BNC2: variants seen among roughly 807,000 people sequenced by gnomAD.
BNC2 encodes the protein zinc finger protein basonuclin-2.
In BNC2, 20 loss-of-function variants were observed where a neutral mutation model predicts 76.3. That is an observed-to-expected ratio of 0.26 (90% CI 0.18 to 0.38). The LOEUF (loss-of-function observed/expected upper bound fraction) is 0.38, where lower values mean the gene tolerates loss of function less well. BNC2 is among the 10% of genes least tolerant of loss of function. The pLI, the probability that BNC2 is intolerant of heterozygous loss-of-function variation, is 1.00. For synonymous variants in BNC2, 582 were observed against 514.8 expected (o/e 1.13, Z -1.77); for missense variants, 1,382 against 1,399.8 (o/e 0.99, Z 0.20).
intron 5 of BNC2, among the ~76,000 whole-genome samples, chr9:16,505,288 G>C (rs983953742): frequency 1.3e-5 from 2 of 152,172 alleles, no homozygotes; most frequent in Non-Finnish European, 2.9e-5. Flanking sequence ...ACCACTGCTT[G>C]GGGCCCAGTA....
intron 2 of BNC2, among the ~76,000 whole-genome samples, chr9:16,736,764 G>A (rs66629951): frequency 0.087 from 12,961 of 148,900 alleles, 1,221 homozygotes; most frequent in East Asian, 0.47. Context: ...ATGAGCCACT[G>A]GGCCCGACCT....
intron 3 of BNC2, among the ~76,000 whole-genome samples, chr9:16,599,170 C>T (rs1820175664): frequency 6.6e-6 from 1 of 152,168 alleles, no homozygotes. Context: ...AAATATACTT[C>T]CTGCTCCCTC....
intron 5 of BNC2, among the ~76,000 whole-genome samples, chr9:16,514,851 ATTTC>A: frequency 6.6e-6 from 1 of 152,320 alleles, no homozygotes; most frequent in Non-Finnish European, 1.5e-5. Context: ...CAACAAAACC[ATTTC>A]TTTCTTCATT....
chr9:16,869,103 T>C (rs947519302), intron 1 of BNC2, among the ~76,000 whole-genome samples: 1 of 152,206 alleles, frequency 6.6e-6, no homozygotes, highest in Admixed American at 6.5e-5. Flanking sequence ...TACAGTGTTC[T>C]TGTGTAAAAC....
intron 5 of BNC2, among the ~76,000 whole-genome samples, chr9:16,521,710 C>A (rs773881351): frequency 6.6e-6 from 1 of 152,138 alleles, no homozygotes; most frequent in African/African-American, 2.4e-5. Flanking sequence ...AGTGCTACTT[C>A]CTACTAACAG....
At chr9:16,549,124 C>G (rs531963040) in intron 5 of BNC2, among the ~76,000 whole-genome samples, 3 of 152,312 alleles carry the variant, frequency 2.0e-5, no homozygotes, top group South Asian at 2.1e-4. Flanking sequence ...CTTCCCCCTA[C>G]ATCCAAAAAT....
chr9:16,732,136 G>T (rs1448390044), intron 2 of BNC2, among the ~76,000 whole-genome samples: 1 of 112,792 alleles, frequency 8.9e-6, no homozygotes, highest in Non-Finnish European at 1.8e-5. Flanking sequence ...GTGGGTTTTG[G>T]GTTTTTCCCT....
At chr9:16,582,394 C>A (rs768096620) in intron 4 of BNC2, among the ~76,000 whole-genome samples, 1 of 152,114 alleles carries the variant, frequency 6.6e-6, no homozygotes. Context: ...CCAGCACACA[C>A]CTACACAGAG....
intron 1 of BNC2, among the ~76,000 whole-genome samples, chr9:16,776,250 C>T (rs149207655): frequency 6.2e-4 from 95 of 152,258 alleles, no homozygotes; most frequent in African/African-American, 2.3e-3. Flanking sequence ...AAGCGATTCT[C>T]CTCTCTCAGT....
chr9:16,665,711 T>C (rs560358898), intron 3 of BNC2, among the ~76,000 whole-genome samples: 15 of 152,208 alleles, frequency 9.9e-5, no homozygotes, highest in Non-Finnish European at 5.9e-5. Flanking sequence ...ACAAAATTTA[T>C]TTCCTCTGAA....
At chr9:16,753,810 T>A (rs992477352) in intron 1 of BNC2, among the ~76,000 whole-genome samples, 1 of 152,206 alleles carries the variant, frequency 6.6e-6, no homozygotes, top group Non-Finnish European at 1.5e-5. Flanking sequence ...AAATAAACTT[T>A]AAAAATATCT....
At chr9:16,772,700 A>G (rs1397720662) in intron 1 of BNC2, among the ~76,000 whole-genome samples, 3 of 152,210 alleles carry the variant, frequency 2.0e-5, no homozygotes, top group African/African-American at 7.2e-5. Flanking sequence ...AACGTCTTCA[A>G]GCCCAACAAA....
intron 5 of BNC2, among the ~76,000 whole-genome samples, chr9:16,494,638 A>G (rs917571261): frequency 2.0e-5 from 3 of 152,170 alleles, no homozygotes; most frequent in African/African-American, 4.8e-5. Context: ...AGCCAGTGTG[A>G]CCAAAGTTGA....
At chr9:16,775,260 T>C (rs956914992) in intron 1 of BNC2, among the ~76,000 whole-genome samples, 20 of 152,192 alleles carry the variant, frequency 1.3e-4, no homozygotes, top group Admixed American at 5.9e-4. Context: ...TTGAGATTTA[T>C]ATTTTATTTA....
intron 1 of BNC2, among the ~76,000 whole-genome samples, chr9:16,772,390 C>T (rs372669893): frequency 2.5e-4 from 38 of 152,022 alleles, no homozygotes; most frequent in African/African-American, 7.7e-4. Context: ...TTTTCCATAT[C>T]CACTTTTAAA....
At chr9:16,780,167 C>T (rs1342166372) in intron 1 of BNC2, among the ~76,000 whole-genome samples, 5 of 127,944 alleles carry the variant, frequency 3.9e-5, no homozygotes, top group East Asian at 2.3e-4. Flanking sequence ...ACCTGGGAGG[C>T]GGAGCTTGCA....
chr9:16,772,854 C>G (rs1333961784), intron 1 of BNC2, among the ~76,000 whole-genome samples: 1 of 152,108 alleles, frequency 6.6e-6, no homozygotes, highest in Non-Finnish European at 1.5e-5. Context: ...AAGACTGATT[C>G]TTTTTCTGGA....
chr9:16,692,585 C>A (rs1167968980), intron 3 of BNC2, among the ~76,000 whole-genome samples: 2 of 152,150 alleles, frequency 1.3e-5, no homozygotes, highest in East Asian at 3.9e-4. Flanking sequence ...AGCAGCACCA[C>A]AGCATACCAA....
Position 16,526,467 on chromosome 9 carries a change from C to CTTTTTTTTTTTTTTT in BNC2, c.669+26048_669+26062dup, listed in dbSNP as rs144511624. Among the ~76,000 whole-genome samples, 2 of 48,790 alleles carry CTTTTTTTTTTTTTTT rather than the reference C, an allele frequency of 4.1e-5. 1 individual carries two copies. The highest frequency in any genetic ancestry group is 1.7e-4 in the African/African-American group (2 of 11,634). The allele number at this position is 48,790 out of a possible 152,430, so 32.0% of individuals were successfully genotyped here. A position where few individuals can be genotyped will look rare whatever the true frequency, so the allele number is the denominator to read the frequency against. On this transcript the variant is annotated intron_variant, in intron 5 of 6. Transcript: ENST00000380672. ...GATTACTTCCCAACATAGTTTAATG[C>CTTTTTTTTTTTTTTT]TTTTTTTTTTTTTTTTTTTTTTTTT... is the stretch of plus-strand genomic sequence containing the variant.
Sources: gnomAD v4.1 joint callset for allele counts (sites outside exome capture counted in the v4.1 genomes callset) on GRCh38, gnomAD v4.1.1 for gene constraint, MANE v1.5 for transcripts, NCBI Gene and HGNC (gene_info 2026-07-23, HGNC 2026-07-21) for gene names.